NAV1: variants seen among roughly 807,000 people sequenced by gnomAD.
NAV1 encodes the protein pore membrane and/or filament interacting like protein 3.
Under a neutral mutation model 175.2 loss-of-function variants are expected in NAV1, and 18 were observed. The observed-to-expected ratio is 0.10, with a 90% CI of 0.07 to 0.15. NAV1 has a LOEUF of 0.15. NAV1 is among the 10% of genes least tolerant of loss of function. NAV1 has a pLI of 1.00. For missense variants in NAV1, 1,731 were observed against 2,436.6 expected, an observed-to-expected ratio of 0.71 and a Z score of 6.10; for synonymous variants, 897 against 978.7, an observed-to-expected ratio of 0.92 and a Z score of 1.56.
intron 3 of NAV1, among the ~76,000 whole-genome samples, chr1:201,766,095 C>T (rs1378488201): frequency 6.6e-6 from 1 of 152,154 alleles, no homozygotes; most frequent in Non-Finnish European, 1.5e-5. Flanking sequence ...ACATATCCTC[C>T]AATTTCATAT....
chr1:201,636,705 C>T, intron 2 of NAV1, among the ~76,000 whole-genome samples: 1 of 152,100 alleles, frequency 6.6e-6, no homozygotes, highest in South Asian at 2.1e-4. Flanking sequence ...TGAGAGTGTC[C>T]TGTGGTATGA....
At chr1:201,814,715 C>T (rs1218518822) in intron 28 of NAV1, among the ~76,000 whole-genome samples, 2 of 151,862 alleles carry the variant, frequency 1.3e-5, no homozygotes, top group Admixed American at 1.3e-4. Flanking sequence ...AGCATTTTCA[C>T]ACAGATAGTA....
chr1:201,688,682 C>T (rs1670778710), intron 1 of NAV1, among the ~76,000 whole-genome samples: 1 of 152,172 alleles, frequency 6.6e-6, no homozygotes, highest in Non-Finnish European at 1.5e-5. Flanking sequence ...TTCTGAGAGC[C>T]AACGTAATTA....
At chr1:201,722,632 G>GT in intron 3 of NAV1, among the ~76,000 whole-genome samples, 1 of 150,290 alleles carries the variant, frequency 6.7e-6, no homozygotes. Context: ...TGGAATTGCT[G>GT]TATCATATGG....
rs370793266 is a variant in NAV1 at position 201,732,794 on chromosome 1, G to A, written c.1226+14039G>A. ...ACTCATGTATGAAAAGAAATGGCCA[G>A]GTGTGGTGGGTCACGCCTGTAATCC... On this transcript the variant is annotated intron_variant, in intron 3 of 29. Coordinates refer to ENST00000367296, the Ensembl canonical transcript of NAV1. Among the ~76,000 whole-genome samples, 4 of 152,342 alleles carry A rather than the reference G, an allele frequency of 2.6e-5. No individual in the cohort carries two copies. The East Asian group carries it at 7.7e-4, about 29-fold the overall frequency.
chr1:201,550,906 A>G (rs1445255292), intron 1 of NAV1, among the ~76,000 whole-genome samples: 3 of 152,226 alleles, frequency 2.0e-5, no homozygotes, highest in African/African-American at 4.8e-5. Flanking sequence ...CTGAAGTTCC[A>G]TAACCTAAAT....
rs1028225208 is a variant in NAV1, at chr1:201,813,991, G to T, written c.5340+733G>T. ...AGAATGGCGTGAACTCGGGAGGCAA[G>T]AGCTTGCAGTGAGCTGAGATCACGC... On this transcript the variant is annotated intron_variant, in intron 28 of 29. Coordinates refer to ENST00000367296, the Ensembl canonical transcript of NAV1. The surrounding 1 kb of genome is among the most constrained non-coding windows in gnomAD (Gnocchi z 4.2). Among the ~76,000 whole-genome samples the T allele has an allele frequency of 6.6e-6, 1 of 152,164 alleles. No homozygotes were observed. The highest frequency in any genetic ancestry group is 2.4e-5 in the African/African-American group (1 of 41,444).
chr1:201,651,464 T>C (rs1461370080), intron 1 of NAV1, among the ~76,000 whole-genome samples: 1 of 152,078 alleles, frequency 6.6e-6, no homozygotes, highest in Non-Finnish European at 1.5e-5. Flanking sequence ...AGCTGAGCTG[T>C]GGTCCCTTAT....
intron 3 of NAV1, among the ~76,000 whole-genome samples, chr1:201,720,561 G>T (rs1375081148): frequency 6.6e-6 from 1 of 152,194 alleles, no homozygotes; most frequent in Non-Finnish European, 1.5e-5. Context: ...GCTTGGAGAC[G>T]TCGCAGTCTG....
intron 15 of NAV1, among the ~76,000 whole-genome samples, chr1:201,799,949 C>T (rs949371093): frequency 9.3e-5 from 14 of 151,140 alleles, no homozygotes; most frequent in Admixed American, 2.0e-4. Context: ...AACTGATAGA[C>T]GGATGCATAT....
In NAV1 at chr1:201,787,199, T is replaced by G. The variant is rs1279387508; in HGVS notation, c.2995+622T>G. On this transcript the variant is annotated intron_variant, in intron 9 of 29. Transcript: ENST00000367296. This position sits in a 1 kb window ranked among gnomAD's most constrained non-coding sequence, Gnocchi z 4.3. ...GAGAGGAAGCATCAGGTGGAGGGTC[T>G]GGCCTAGCACAGAAGCACACCAGCT... Among the ~76,000 whole-genome samples, 5 of 152,208 alleles carry G rather than the reference T, an allele frequency of 3.3e-5. No individual in the cohort carries two copies.
intron 1 of NAV1, among the ~76,000 whole-genome samples, chr1:201,685,505 C>T (rs1176496967): frequency 6.6e-6 from 1 of 152,166 alleles, no homozygotes; most frequent in Non-Finnish European, 1.5e-5. Context: ...TGTCCATTAC[C>T]CCATGTTTGG....
intron 2 of NAV1, among the ~76,000 whole-genome samples, chr1:201,594,837 C>A (rs940354494): frequency 2.6e-5 from 4 of 152,328 alleles, no homozygotes; most frequent in African/African-American, 9.6e-5. Context: ...CCTGCTGAAG[C>A]CCCCTCGCTG....
upstream of NAV1, among the ~76,000 whole-genome samples, chr1:201,620,696 T>C (rs941657850): frequency 5.9e-5 from 9 of 152,108 alleles, no homozygotes; most frequent in African/African-American, 1.7e-4. Flanking sequence ...CTCAAACTCC[T>C]GACCTCAGTT....
At chr1:201,573,353 C>T (rs1175874424) in intron 1 of NAV1, among the ~76,000 whole-genome samples, 2 of 152,032 alleles carry the variant, frequency 1.3e-5, no homozygotes, top group African/African-American at 2.4e-5. Flanking sequence ...ACACCTGTAC[C>T]GTATTCACAC....
At chr1:201,560,840 G>A (rs1256369464) in intron 1 of NAV1, among the ~76,000 whole-genome samples, 1 of 152,246 alleles carries the variant, frequency 6.6e-6, no homozygotes. Context: ...ACCTCCCAGA[G>A]CTCCAGCACA....
intron 17 of NAV1, 62 bp downstream of exon 21, chr1:201,804,559 C>T: frequency 8.3e-7 from 1 of 1,202,928 alleles, no homozygotes; most frequent in Non-Finnish European, 1.2e-6. Context: ...TTCCCTATTT[C>T]CAGAGCAACT....
rs1669282905 is a variant in NAV1 at position 201,653,473 on chromosome 1, A to C, written c.757+4048A>C. Among the ~76,000 whole-genome samples the C allele has an allele frequency of 1.3e-5, 2 of 151,922 alleles. 1 individual carries two copies. Among genetic ancestry groups the C allele is most frequent in the Admixed American group, 1.3e-4 (2 of 15,260 alleles). ...GAAAGGCAGGAAGCTATTCATTTCT[A>C]AGCCAGTTGATTGATGTGAATTTTT... On this transcript the variant is annotated intron_variant, in intron 1 of 29. Transcript: ENST00000367296.
intron 1 of NAV1, among the ~76,000 whole-genome samples, chr1:201,665,173 C>T (rs1205163003): frequency 6.6e-6 from 1 of 152,020 alleles, no homozygotes; most frequent in Non-Finnish European, 1.5e-5. Flanking sequence ...CCCCCGCACC[C>T]TGCCCCACCA....
Sources: allele counts gnomAD v4.1 joint callset (sites outside exome capture counted in the v4.1 genomes callset), GRCh38; gene constraint gnomAD v4.1.1; non-coding constraint Gnocchi (gnomAD v3.1); transcripts MANE v1.5; gene names NCBI Gene and HGNC (gene_info 2026-07-23, HGNC 2026-07-21).